The following KLF17 variants were observed in gnomAD, a reference collection of about 807,000 sequenced individuals.
KLF17 encodes Krueppel-like factor 17.
KLF17 carries 31 observed loss-of-function variants against 34.2 expected under a neutral mutation model. The observed-to-expected ratio is 0.91, with a 90% CI of 0.68 to 1.22. The LOEUF is 1.22. Among genes scored for constraint, KLF17 ranks in the 50% most tolerant of loss-of-function variants. The probability of loss-of-function intolerance (pLI) is 0.00; values close to 1 mark genes in which losing one functional copy is unlikely to be tolerated. For synonymous variants in KLF17, 179 were observed against 186.7 expected, an observed-to-expected ratio of 0.96 and a Z score of 0.34; for missense variants, 478 against 505.2, an observed-to-expected ratio of 0.95 and a Z score of 0.52.
the KLF17 span, among the ~76,000 whole-genome samples, chr1:44,060,478 T>C: frequency 1.3e-5 from 2 of 151,866 alleles, no homozygotes; most frequent in African/African-American, 2.4e-5. Flanking sequence ...AAAAAAAGAA[T>C]GAAACTTGGA....
the KLF17 span, among the ~76,000 whole-genome samples, chr1:44,085,315 G>A: frequency 6.6e-5 from 10 of 152,214 alleles, 1 homozygote; most frequent in East Asian, 1.4e-3. Flanking sequence ...AGGAAGGAAA[G>A]CAAATAGAGA....
the KLF17 span, chr1:44,110,524 C>G: frequency 6.6e-6 from 1 of 151,630 alleles, no homozygotes; most frequent in Non-Finnish European, 1.5e-5. Flanking sequence ...AACCCCGTCT[C>G]TACTAAAAAT....
At chr1:44,096,520 T>A in the KLF17 span, among the ~76,000 whole-genome samples, 2 of 151,592 alleles carry the variant, frequency 1.3e-5, no homozygotes, top group African/African-American at 2.4e-5. Context: ...TGCCTCAGCC[T>A]CCAGAACAGC....
chr1:44,132,662 G>T (rs908156836), intron 3 of KLF17, among the ~76,000 whole-genome samples: 10 of 152,160 alleles, frequency 6.6e-5, no homozygotes, highest in African/African-American at 2.2e-4. Flanking sequence ...GGTGACTGAG[G>T]ACTAGGAGGG....
At chr1:44,118,699 G>T (rs1172180060), upstream of KLF17, among the ~76,000 whole-genome samples, 8 of 148,894 alleles carry the variant, frequency 5.4e-5, no homozygotes, top group African/African-American at 1.5e-4. Context: ...CTTGGTTGGG[G>T]CATGGTGAGG....
At chr1:44,078,437 CT>C in the KLF17 span, among the ~76,000 whole-genome samples, 2,257 of 69,798 alleles carry the variant, frequency 0.032, 28 homozygotes, top group Non-Finnish European at 0.051. Flanking sequence ...TTTCCTTCTT[CT>C]TTTTTTTTTT....
At chr1:44,104,452 T>G in the KLF17 span, 57 of 816,000 alleles carry the variant, frequency 7.0e-5, no homozygotes, top group Non-Finnish European at 1.2e-4. Flanking sequence ...AACCGCACCT[T>G]GTCGATGAAG....
the KLF17 span, among the ~76,000 whole-genome samples, chr1:44,075,523 C>T: frequency 6.6e-6 from 1 of 152,032 alleles, no homozygotes; most frequent in African/African-American, 2.4e-5. Flanking sequence ...TATTATTAGA[C>T]CGGGGTCTAA....
the KLF17 span, among the ~76,000 whole-genome samples, chr1:44,095,279 G>A: frequency 6.8e-6 from 1 of 146,490 alleles, no homozygotes; most frequent in Non-Finnish European, 1.5e-5. Context: ...GCAATGGCGT[G>A]ATCTCAGCTT....
chr1:44,119,400 A>G (rs2154311320), intron 1 of KLF17, among the ~76,000 whole-genome samples: 1 of 142,954 alleles, frequency 7.0e-6, no homozygotes, highest in Admixed American at 7.0e-5. Context: ...GCAGGAAACA[A>G]CAGGAAAAAA....
upstream of KLF17, among the ~76,000 whole-genome samples, chr1:44,117,925 C>T (rs1029641746): frequency 2.0e-5 from 3 of 152,186 alleles, no homozygotes; most frequent in Non-Finnish European, 4.4e-5. Context: ...GCATCAGTGG[C>T]TTCCCGCCAC....
the KLF17 span, chr1:44,104,366 C>T: frequency 8.8e-6 from 10 of 1,131,644 alleles, no homozygotes; most frequent in Admixed American, 1.8e-5. Context: ...ACATGTTGTC[C>T]GTGTTGCTCC....
At chr1:44,107,811 T>C in the KLF17 span, among the ~76,000 whole-genome samples, 3 of 152,226 alleles carry the variant, frequency 2.0e-5, no homozygotes, top group Admixed American at 6.5e-5. Flanking sequence ...ATTATTACTG[T>C]TAAACTCTTA....
the KLF17 span, chr1:44,103,361 G>T: frequency 1.3e-6 from 1 of 749,556 alleles, no homozygotes; most frequent in East Asian, 2.5e-5. Context: ...CCGGCTTCCC[G>T]TTGCAGGTCT....
the KLF17 span, among the ~76,000 whole-genome samples, chr1:44,080,906 A>C: frequency 6.6e-6 from 1 of 151,396 alleles, no homozygotes; most frequent in Non-Finnish European, 1.5e-5. Context: ...GTAGGGATGG[A>C]GTTTTACCAT....
chr1:44,102,330 T>A, the KLF17 span, among the ~76,000 whole-genome samples: 1 of 151,974 alleles, frequency 6.6e-6, no homozygotes, highest in East Asian at 1.9e-4. Context: ...GGCGGACAGA[T>A]CACTTGCGGT....
the KLF17 span, among the ~76,000 whole-genome samples, chr1:44,089,307 AAGG>A: frequency 6.6e-6 from 1 of 152,184 alleles, no homozygotes; most frequent in Non-Finnish European, 1.5e-5. Context: ...TTGTGAAAGG[AAGG>A]AGAAGGAAGC....
At chr1:44,095,443 G>A in the KLF17 span, among the ~76,000 whole-genome samples, 6 of 148,670 alleles carry the variant, frequency 4.0e-5, no homozygotes, top group African/African-American at 1.5e-4. Context: ...TTGAACTCCC[G>A]ACCTCAGGTG....
the KLF17 span, among the ~76,000 whole-genome samples, chr1:44,054,087 C>A: frequency 6.6e-6 from 1 of 152,130 alleles, no homozygotes; most frequent in Non-Finnish European, 1.5e-5. Flanking sequence ...AGATGAAAAC[C>A]CTGCTCTATT....
Sources: allele counts gnomAD v4.1 joint callset (sites outside exome capture counted in the v4.1 genomes callset), GRCh38; gene constraint gnomAD v4.1.1; transcripts MANE v1.5; gene names NCBI Gene and HGNC (gene_info 2026-07-23, HGNC 2026-07-21).